The following ATP13A5 variants were observed in gnomAD, a reference collection of about 807,000 sequenced individuals.
ATP13A5 encodes the protein ATPase 13A5.
Under a neutral mutation model 150.2 loss-of-function variants are expected in ATP13A5, and 149 were observed. The observed-to-expected ratio is 0.99, with a 90% CI of 0.87 to 1.14. The LOEUF is 1.14. Among genes scored for constraint, ATP13A5 ranks in the 50% most tolerant of loss-of-function variants. ATP13A5 has a pLI of 0.00. For synonymous variants in ATP13A5, 497 were observed against 522.2 expected (o/e 0.95, Z 0.66); for missense variants, 1,383 against 1,449.3 (o/e 0.95, Z 0.74).
At chr3:193,367,946 G>T (rs1713291846) in intron 1 of ATP13A5, among the ~76,000 whole-genome samples, 1 of 146,384 alleles carries the variant, frequency 6.8e-6, no homozygotes, top group Non-Finnish European at 1.5e-5. Context: ...GTCTTAACCA[G>T]TGCAACGCAA....
chr3:193,316,077 G>T (rs1719041947), intron 17 of ATP13A5, among the ~76,000 whole-genome samples: 2 of 151,922 alleles, frequency 1.3e-5, no homozygotes, highest in Admixed American at 6.6e-5. Context: ...TTCTGTGACT[G>T]GTTTATTTCA....
chr3:193,339,223 T>C (rs984579891), intron 9 of ATP13A5, among the ~76,000 whole-genome samples: 2 of 152,142 alleles, frequency 1.3e-5, no homozygotes. Context: ...GTTTTTTGTG[T>C]CTCTATTTCC....
chr3:193,314,353 C>A lies in ATP13A5; in HGVS notation c.2159-160G>T, dbSNP rs377496801. On this transcript the variant is annotated intron_variant, in intron 18 of 29. Transcript: ENST00000342358. ...TCTGCTGTAGACTGCCCCTACTGGG[C>A]AAACACTATGTTCCCATCTCCCTCT... The A allele has an allele frequency of 1.5e-5, 10 of 686,316 alleles. 1 individual carries two copies. The South Asian group carries it at 1.8e-4, about 13-fold the overall frequency. The allele number at this position is 686,316 out of a possible 1,614,324, so 42.5% of individuals were successfully genotyped here.
chr3:193,348,553 G>C (rs1712440822), intron 7 of ATP13A5, among the ~76,000 whole-genome samples: 1 of 152,150 alleles, frequency 6.6e-6, no homozygotes, highest in African/African-American at 2.4e-5. Flanking sequence ...GTTAGAAAGG[G>C]ACGGAAGCGG....
At position 193,314,002 on chromosome 3, in the gene ATP13A5, C is replaced by T. The variant is rs754608564; in HGVS notation, c.2319+31G>A. The T allele has an allele frequency of 6.2e-6, 10 of 1,609,680 alleles. No individual in the cohort carries two copies. In the South Asian group the frequency reaches 7.7e-5, roughly 12 times the overall value. ...CAGGACTGTATTCCATCAGTCTAGG[C>T]CCACGGAGGGGCCTTCTAACATTTG... On this transcript the variant is annotated intron_variant, in intron 19 of 29. Transcript: ENST00000342358.
rs367784705 is a variant in ATP13A5 at position 193,314,014 on chromosome 3, C to T, written c.2319+19G>A. The stretch of plus-strand genomic sequence containing the variant: ...CCATCAGTCTAGGCCCACGGAGGGG[C>T]CTTCTAACATTTGCTCACTTTCTTC... On this transcript the variant is annotated intron_variant, in intron 19 of 29. Transcript: ENST00000342358. 6.2e-7 allele frequency: 1 copy of T among 1,611,584 alleles called. No individual in the cohort carries two copies. The highest frequency in any genetic ancestry group is 1.3e-5 in the African/African-American group (1 of 74,950).
chr3:193,333,369 C>T (rs574872976), intron 11 of ATP13A5, among the ~76,000 whole-genome samples: 1 of 152,270 alleles, frequency 6.6e-6, no homozygotes, highest in South Asian at 2.1e-4. Flanking sequence ...CAGAAAGGAC[C>T]TCAGAGGTCT....
At position 193,299,124 on chromosome 3, in the gene ATP13A5, AG is replaced by A. The variant is rs757434960; in HGVS notation, c.2848+6del. On this transcript the variant is annotated splice_donor_region_variant and intron_variant, in intron 25 of 29. Transcript: ENST00000342358. The stretch of plus-strand genomic sequence containing the variant: ...AACAATATAGTTTTCTTTGCTAAAG[AG>A]CTTACTTGTTAAACAGACCATCAAA... 2.5e-5 allele frequency: 40 copies of A among 1,587,624 alleles called. 1 individual carries two copies. The South Asian group carries it at 4.5e-4, about 18-fold the overall frequency.
At chr3:193,305,259 A>T (rs867644170) in intron 23 of ATP13A5, among the ~76,000 whole-genome samples, 2 of 152,328 alleles carry the variant, frequency 1.3e-5, no homozygotes. Context: ...GAAGCATCCA[A>T]CATACCAAAT....
intron 1 of ATP13A5, among the ~76,000 whole-genome samples, chr3:193,377,550 T>C (rs1476302887): frequency 2.0e-5 from 3 of 152,240 alleles, no homozygotes; most frequent in Non-Finnish European, 4.4e-5. Flanking sequence ...GCTACTTTTC[T>C]AGTGCTCAGA....
In ATP13A5 at chr3:193,277,992, C is replaced by T. The variant is rs375829741; in HGVS notation, c.3316-1162G>A. ...CTAATTTTTATATTTTTAGTAGAGA[C>T]GGGGTTTTACCATGTTGGCCAGGCT... On this transcript the variant is annotated intron_variant, in intron 28 of 29. Coordinates refer to ENST00000342358, the MANE Select transcript of ATP13A5 (RefSeq NM_198505.4). 1.5e-3 allele frequency among the ~76,000 whole-genome samples: 227 copies of T among 152,144 alleles called. 2 individuals are homozygous for T. Among genetic ancestry groups the T allele is most frequent in the African/African-American group, 5.3e-3 (220 of 41,522 alleles).
intron 7 of ATP13A5, among the ~76,000 whole-genome samples, chr3:193,350,279 T>C (rs1712514763): frequency 6.6e-6 from 1 of 152,120 alleles, no homozygotes; most frequent in Admixed American, 6.6e-5. Context: ...AATAAATACA[T>C]ATATCTGGGA....
At chr3:193,341,006 C>A (rs561911766) in intron 9 of ATP13A5, among the ~76,000 whole-genome samples, 1 of 152,270 alleles carries the variant, frequency 6.6e-6, no homozygotes, top group South Asian at 2.1e-4. Context: ...TGACCTTAGG[C>A]AAATTAGTTA....
intron 5 of ATP13A5, among the ~76,000 whole-genome samples, chr3:193,357,615 G>C (rs776329275): frequency 1.1e-4 from 17 of 152,196 alleles, no homozygotes; most frequent in Non-Finnish European, 2.4e-4. Flanking sequence ...CTGACATTCT[G>C]ACCAGCTGGC....
chr3:193,367,046 A>G (rs1713263612), intron 1 of ATP13A5, among the ~76,000 whole-genome samples: 1 of 152,116 alleles, frequency 6.6e-6, no homozygotes, highest in Non-Finnish European at 1.5e-5. Context: ...TGCAATGAAG[A>G]TAATCCTTAC....
chr3:193,374,340 G>A (rs2108587148), intron 1 of ATP13A5, among the ~76,000 whole-genome samples: 1 of 148,540 alleles, frequency 6.7e-6, no homozygotes, highest in East Asian at 2.1e-4. Flanking sequence ...GTGCATAAGT[G>A]TGGGAAATAA....
chr3:193,332,222 C>G (rs977088565), intron 11 of ATP13A5, among the ~76,000 whole-genome samples: 3 of 152,200 alleles, frequency 2.0e-5, no homozygotes, highest in African/African-American at 7.2e-5. Context: ...CACAAACTCT[C>G]TTGCCTGCCA....
intron 14 of ATP13A5, among the ~76,000 whole-genome samples, chr3:193,323,019 G>A (rs1357487023): frequency 6.6e-6 from 1 of 152,178 alleles, no homozygotes; most frequent in African/African-American, 2.4e-5. Flanking sequence ...TAGGGAGTTG[G>A]TATGTCAGCT....
At chr3:193,343,830 G>A in intron 9 of ATP13A5, 97 bp downstream of exon 9, 1 of 1,406,968 alleles carries the variant, frequency 7.1e-7, no homozygotes, top group East Asian at 2.4e-5. Context: ...ACCTATCTCT[G>A]AATATCTTAG....
Sources: allele counts gnomAD v4.1 joint callset (sites outside exome capture counted in the v4.1 genomes callset), GRCh38; gene constraint gnomAD v4.1.1; transcripts MANE v1.5; gene names NCBI Gene and HGNC (gene_info 2026-07-23, HGNC 2026-07-21).